Variants in CYP4V2 observed in about 807,000 individuals in gnomAD.
CYP4V2 encodes the protein cytochrome P450 4V2.
A neutral mutation model predicts 60.8 loss-of-function variants in CYP4V2; 55 were observed. The ratio of observed to expected loss-of-function variants is 0.90; its 90% CI spans 0.73 to 1.13. CYP4V2 has a LOEUF of 1.13. Among genes scored for constraint, CYP4V2 ranks in the 50% most tolerant of loss-of-function variants. The probability of loss-of-function intolerance (pLI) is 0.00; values close to 1 mark genes in which losing one functional copy is unlikely to be tolerated. For synonymous variants in CYP4V2, 239 were observed against 236.8 expected (o/e 1.01, Z -0.08); for missense variants, 675 against 662.9 (o/e 1.02, Z -0.20).
At chr4:186,209,379 T>G in intron 10 of CYP4V2, 107 bp downstream of exon 10, 1 of 1,384,440 alleles carries the variant, frequency 7.2e-7, no homozygotes, top group Non-Finnish European at 1.0e-6. Context: ...TGCAACAGCC[T>G]TAAAAAAAAA....
Position 186,191,907 on chromosome 4 carries a change from T to A in CYP4V2, c.84T>A (p.Ser28Arg). 1 of 1,593,580 alleles carries A rather than the reference T, an allele frequency of 6.3e-7. No individual in the cohort carries two copies. The highest frequency in any genetic ancestry group is 8.5e-7 in the Non-Finnish European group (1 of 1,173,644). The change falls in exon 1 of 11, where the codon AGT (serine) becomes AGA (arginine). Residue 28 changes from serine to arginine, a missense_variant. Ser to Arg is a moderately radical substitution (Grantham distance 110). Coordinates refer to ENST00000378802, the MANE Select transcript of CYP4V2 (RefSeq NM_207352.4). ...AASALSLAGA[S>R]LVLSLLQRVA... Reference sequence around the variant, plus strand: ...GTGCCCTTTCCCTGGCCGGCGCCAGTCTGGTCCTGAGCCTGCTGCAGAGGG... The same window carrying A: ...GTGCCCTTTCCCTGGCCGGCGCCAGACTGGTCCTGAGCCTGCTGCAGAGGG...
chr4:186,197,074 A>C lies in CYP4V2; in HGVS notation c.548A>C (p.Gln183Pro). The C allele has an allele frequency of 6.2e-7, 1 of 1,613,960 alleles. No individual in the cohort carries two copies. Among genetic ancestry groups the C allele is most frequent in the South Asian group, 1.1e-5 (1 of 91,064 alleles). ...AAGAAACTTGAAAAACACATTAACCAAGAAGCATTTAACTGCTTTTTTTAC... is the reference window on the plus strand; with the variant it reads ...AAGAAACTTGAAAAACACATTAACCCAGAAGCATTTAACTGCTTTTTTTAC... The part of the protein sequence containing the change: ...LVKKLEKHIN[Q>P]EAFNCFFYIT... Residue 183 changes from glutamine (Q) to proline (P), a missense_variant, in exon 4 of 11, where the codon CAA becomes CCA. By Grantham distance (76) the Gln-to-Pro change is moderately conservative (BLOSUM62 -1). Transcript: ENST00000378802.
rs1736159085 is a variant in CYP4V2 at position 186,196,733 on chromosome 4, A to G, written c.414-207A>G. 4 of 557,602 alleles carry G rather than the reference A, an allele frequency of 7.2e-6. No individual in the cohort carries two copies. The South Asian group carries it at 1.0e-4, about 14-fold the overall frequency. The allele number at this position is 557,602 out of a possible 1,614,324, so 34.5% of individuals were successfully genotyped here. On this transcript the variant is annotated intron_variant, in intron 3 of 10. Coordinates refer to ENST00000378802, the MANE Select transcript of CYP4V2 (RefSeq NM_207352.4). ...ATAGAACAATGTCCAAAATACTCATATTTTGTAACTATAGATGAATATTTT... is the reference window on the plus strand; with the variant it reads ...ATAGAACAATGTCCAAAATACTCATGTTTTGTAACTATAGATGAATATTTT...
chr4:186,191,700 C>A lies in CYP4V2; in HGVS notation c.-124C>A. The A allele has an allele frequency of 1.0e-6, 1 of 961,490 alleles. No individual in the cohort carries two copies. The highest frequency in any genetic ancestry group is 1.3e-6 in the Non-Finnish European group (1 of 743,890). 59.6% of individuals were successfully genotyped at this position (961,490 alleles called of 1,614,324 possible). A position where few individuals can be genotyped will look rare whatever the true frequency, so the allele number is the denominator to read the frequency against. On this transcript the variant is annotated 5_prime_UTR_variant, in exon 1 of 11. Transcript: ENST00000378802. ...CGTCGTTCCGGGGACCGGGCGACCC[C>A]GCAGCGGGGAGCGCGCCAGGTCCGC...
chr4:186,207,795 A>G (rs1214807626), intron 8 of CYP4V2, among the ~76,000 whole-genome samples: 2 of 151,868 alleles, frequency 1.3e-5, no homozygotes, highest in African/African-American at 4.8e-5. Context: ...GTCCCTCTTG[A>G]TTCCTCCTTC....
At position 186,208,961 on chromosome 4, in the gene CYP4V2, C is replaced by T. The variant is rs199476202; in HGVS notation, c.1187C>T (p.Pro396Leu). 3 of 1,614,048 alleles carry T rather than the reference C, an allele frequency of 1.9e-6. No individual in the cohort carries two copies. Among genetic ancestry groups the T allele is most frequent in the East Asian group, 4.5e-5 (2 of 44,898 alleles). The change falls in exon 9 of 11, where the codon CCT becomes CTT. Residue 396 changes from proline (P) to leucine (L), a missense_variant. Physicochemically the swap from Pro to Leu is moderately conservative, Grantham distance 98 (BLOSUM62 -3). Transcript: ENST00000378802. ...KETLRLFPSV[P>L]LFARSVSEDC... is the part of the protein sequence containing the mutation. The stretch of plus-strand genomic sequence containing the variant: ...ACCCTTCGCCTTTTTCCTTCTGTTC[C>T]TTTATTTGCCCGTAGTGTTAGTGAA...
At chr4:186,194,253 C>T (rs892084412) in intron 1 of CYP4V2, among the ~76,000 whole-genome samples, 5 of 152,148 alleles carry the variant, frequency 3.3e-5, no homozygotes, top group Admixed American at 2.0e-4. Flanking sequence ...AATTATTATT[C>T]TCTAATAGCT....
chr4:186,197,951 T>C (rs905661068), intron 5 of CYP4V2, among the ~76,000 whole-genome samples: 3 of 152,232 alleles, frequency 2.0e-5, no homozygotes, highest in Non-Finnish European at 4.4e-5. Context: ...CTAGCAGATA[T>C]TATAACAGAA....
At position 186,191,792 on chromosome 4, in the gene CYP4V2, C is replaced by G. The variant is rs780761106; in HGVS notation, c.-32C>G. The stretch of plus-strand genomic sequence containing the variant: ...ACGCCCCCGCGGGCCCGCACTTTCC[C>G]GGAGTGCACCCCGCGGCCGCCAGCC... On this transcript the variant is annotated 5_prime_UTR_variant, in exon 1 of 11. Transcript: ENST00000378802. 1 of 1,500,596 alleles carries G rather than the reference C, an allele frequency of 6.7e-7. No individual in the cohort carries two copies. Among genetic ancestry groups the G allele is most frequent in the South Asian group, 1.3e-5 (1 of 77,816 alleles). The allele number at this position is 1,500,596 out of a possible 1,614,324, so 93.0% of individuals were successfully genotyped here. A position where few individuals can be genotyped will look rare whatever the true frequency, so the allele number is the denominator to read the frequency against.
chr4:186,192,239 T>A lies in CYP4V2; in HGVS notation c.214+202T>A, dbSNP rs1171897561. The stretch of plus-strand genomic sequence containing the variant: ...GTGCCCCATCCCAAAGTGAGCATTT[T>A]CTTTGTGTGTAGCACAGGATGCGGT... On this transcript the variant is annotated intron_variant, in intron 1 of 10. Transcript: ENST00000378802. The A allele has an allele frequency of 1.1e-5, 8 of 734,558 alleles. No individual in the cohort carries two copies. In the Admixed American group the frequency reaches 1.6e-4, roughly 15 times the overall value. The allele number at this position is 734,558 out of a possible 1,614,324, so 45.5% of individuals were successfully genotyped here.
At chr4:186,193,841 C>T (rs1054734914) in intron 1 of CYP4V2, among the ~76,000 whole-genome samples, 3 of 152,214 alleles carry the variant, frequency 2.0e-5, no homozygotes, top group Non-Finnish European at 2.9e-5. Flanking sequence ...TGGCCTCAGC[C>T]ATTTCACCTT....
intron 8 of CYP4V2, among the ~76,000 whole-genome samples, chr4:186,206,003 C>T (rs943145641): frequency 2.0e-5 from 3 of 152,280 alleles, no homozygotes; most frequent in South Asian, 2.1e-4. Context: ...TCTGGACACC[C>T]GAGTCAAAGA....
chr4:186,202,450 T>G (rs1736332118), intron 7 of CYP4V2: 1 of 152,118 alleles, frequency 6.6e-6, no homozygotes, highest in Non-Finnish European at 1.5e-5. Context: ...CATGGAATAG[T>G]TATGATGATT....
At chr4:186,204,791 AC>A in intron 7 of CYP4V2, 1 of 319,390 alleles carries the variant, frequency 3.1e-6, no homozygotes, top group Admixed American at 4.1e-5. Context: ...CCACACCTCT[AC>A]CCCCTGGTGC....
rs1021914400 is a variant in CYP4V2 at position 186,212,020 on chromosome 4, G to A, written c.*1379G>A. On this transcript the variant is annotated 3_prime_UTR_variant, in exon 11 of 11. Coordinates refer to ENST00000378802, the MANE Select transcript of CYP4V2 (RefSeq NM_207352.4). ...TTAATCATGCCTTTTGGAGCTAGAA[G>A]GACTTTAGAACTTATCTAGTTATGC... is the stretch of plus-strand genomic sequence containing the variant. The A allele has an allele frequency of 6.6e-6, 1 of 151,996 alleles. No individual in the cohort carries two copies. Among genetic ancestry groups the A allele is most frequent in the Non-Finnish European group, 1.5e-5 (1 of 68,008 alleles). 9.4% of individuals were successfully genotyped at this position (151,996 alleles called of 1,614,324 possible).
At chr4:186,202,932 GCATA>G (rs1736364225) in intron 7 of CYP4V2, 1 of 149,616 alleles carries the variant, frequency 6.7e-6, no homozygotes, top group African/African-American at 2.4e-5. Context: ...ACACATGCAT[GCATA>G]CACATACATG....
Position 186,199,057 on chromosome 4 carries a change from C to A in CYP4V2, c.775C>A (p.Gln259Lys), listed in dbSNP as rs13146272. 994,770 of 1,612,180 alleles carry A rather than the reference C, an allele frequency of 0.62. 310,979 individuals are homozygous for A. Among genetic ancestry groups the A allele is most frequent in the Non-Finnish European group, 0.64 (752,822 of 1,178,472 alleles). Residue 259 changes from glutamine to lysine, a missense_variant, in exon 6 of 11, where the codon CAG becomes AAG. Coordinates refer to ENST00000378802, the MANE Select transcript of CYP4V2 (RefSeq NM_207352.4). ...KEGWEHKKSL[Q>K]ILHTFTNSVI... is the part of the protein sequence containing the mutation. ...AGGATGGGAACACAAAAAGAGCCTT[C>A]AGATCCTACATACTTTTACCAACAG...
intron 1 of CYP4V2, chr4:186,192,398 C>G (rs1286660546): frequency 4.5e-6 from 2 of 445,330 alleles, no homozygotes; most frequent in Non-Finnish European, 8.5e-6. Context: ...CGGTTTTAAA[C>G]TGGCCAACAC....
chr4:186,212,415 C>T lies in CYP4V2; in HGVS notation c.*1774C>T, dbSNP rs779828762. The T allele has an allele frequency of 4.1e-4, 63 of 152,126 alleles. No individual in the cohort carries two copies. The highest frequency in any genetic ancestry group is 7.1e-4 in the Non-Finnish European group (48 of 68,022). The allele number at this position is 152,126 out of a possible 1,614,324, so 9.4% of individuals were successfully genotyped here. ...ATACTTATGAAGGTGATAACTGACA[C>T]GTGTTCACTGAATTTTAATTTGATA... On this transcript the variant is annotated 3_prime_UTR_variant, in exon 11 of 11. Coordinates refer to ENST00000378802, the MANE Select transcript of CYP4V2 (RefSeq NM_207352.4).
Sources: allele counts gnomAD v4.1 joint callset (sites outside exome capture counted in the v4.1 genomes callset), GRCh38; gene constraint gnomAD v4.1.1; transcripts MANE v1.5; gene names NCBI Gene and HGNC (gene_info 2026-07-23, HGNC 2026-07-21).